SDCCAG8: variants seen among roughly 807,000 people sequenced by gnomAD.
SDCCAG8 encodes the protein SHH signaling and ciliogenesis regulator SDCCAG8.
SDCCAG8 carries 74 observed loss-of-function variants against 101.8 expected under a neutral mutation model. The ratio of observed to expected loss-of-function variants is 0.73; its 90% CI spans 0.60 to 0.88. SDCCAG8 has a LOEUF of 0.88. Among genes scored for constraint, SDCCAG8 ranks in the 40% least tolerant of loss-of-function variants. The pLI, the probability that SDCCAG8 is intolerant of heterozygous loss-of-function variation, is 0.00. For synonymous variants in SDCCAG8, 281 were observed against 292.9 expected, an observed-to-expected ratio of 0.96 and a Z score of 0.41; for missense variants, 787 against 822.6, an observed-to-expected ratio of 0.96 and a Z score of 0.53.
chr1:243,494,045 G>A (rs977654131), intron 17 of SDCCAG8, among the ~76,000 whole-genome samples: 15 of 152,058 alleles, frequency 9.9e-5, no homozygotes, highest in African/African-American at 2.9e-4. Context: ...TGGGGGCCTC[G>A]CCCAGCTGAC....
At chr1:243,487,173 C>T (rs1410470621) in intron 16 of SDCCAG8, among the ~76,000 whole-genome samples, 1 of 152,224 alleles carries the variant, frequency 6.6e-6, no homozygotes, top group Admixed American at 6.5e-5. Flanking sequence ...TGGCCGCCTG[C>T]CTGTGTCAGA....
chr1:243,442,613 TA>T (rs202076850), intron 16 of SDCCAG8, among the ~76,000 whole-genome samples: 117 of 145,642 alleles, frequency 8.0e-4, no homozygotes, highest in Admixed American at 1.9e-3. Context: ...AAAAGAACAT[TA>T]AAAAAAAAAA....
rs1485811267 is a variant in SDCCAG8, at chr1:243,293,238, T to A, written c.675+19T>A. ...AGAACTGGTGAGTATTTGGGTGCTTTTCTCTTATACATCTTTTTTTTCTTT... is the reference window on the plus strand; with the variant it reads ...AGAACTGGTGAGTATTTGGGTGCTTATCTCTTATACATCTTTTTTTTCTTT... On this transcript the variant is annotated intron_variant, in intron 6 of 17. Coordinates refer to ENST00000366541, the MANE Select transcript of SDCCAG8 (RefSeq NM_006642.5). 1.2e-6 allele frequency: 2 copies of A among 1,613,070 alleles called. No homozygotes were observed. The highest frequency in any genetic ancestry group is 2.7e-5 in the African/African-American group (2 of 74,888).
At chr1:243,384,096 G>A (rs2078125151) in intron 13 of SDCCAG8, among the ~76,000 whole-genome samples, 2 of 152,000 alleles carry the variant, frequency 1.3e-5, no homozygotes, top group African/African-American at 2.4e-5. Flanking sequence ...ACTCAAAGGA[G>A]GAAAAAGCAA....
At chr1:243,398,755 A>G (rs2079180041) in intron 13 of SDCCAG8, among the ~76,000 whole-genome samples, 1 of 152,240 alleles carries the variant, frequency 6.6e-6, no homozygotes, top group African/African-American at 2.4e-5. Flanking sequence ...ATCATTTGAT[A>G]GTCATATCAC....
intron 4 of SDCCAG8, among the ~76,000 whole-genome samples, chr1:243,281,276 C>CT (rs534697165): frequency 1.1e-4 from 15 of 133,442 alleles, no homozygotes; most frequent in East Asian, 8.4e-4. Context: ...TTATAATTGG[C>CT]TTTTTTTTTT....
intron 12 of SDCCAG8, among the ~76,000 whole-genome samples, chr1:243,350,369 C>A (rs960523654): frequency 9.9e-5 from 15 of 152,020 alleles, no homozygotes; most frequent in Admixed American, 3.3e-4. Flanking sequence ...CCACCACCCC[C>A]AGCTATTTTG....
At chr1:243,306,457 C>A (rs1236702322) in intron 7 of SDCCAG8, 1 of 152,130 alleles carries the variant, frequency 6.6e-6, no homozygotes, top group Non-Finnish European at 1.5e-5. Flanking sequence ...ACTTTGTTCT[C>A]TGAATCCTTC....
chr1:243,411,441 T>C (rs1268581124), intron 13 of SDCCAG8, among the ~76,000 whole-genome samples: 1 of 152,140 alleles, frequency 6.6e-6, no homozygotes, highest in Admixed American at 6.6e-5. Flanking sequence ...TTTATTGGGG[T>C]AAATTTAAAT....
intron 16 of SDCCAG8, among the ~76,000 whole-genome samples, chr1:243,466,308 G>A (rs1447034168): frequency 6.6e-6 from 1 of 152,178 alleles, no homozygotes; most frequent in Non-Finnish European, 1.5e-5. Flanking sequence ...TACTTTGAAG[G>A]AATTCAGGCC....
chr1:243,307,812 A>G (rs1377652665), intron 7 of SDCCAG8, 177 bp from the exon 8 acceptor site: 15 of 1,458,440 alleles, frequency 1.0e-5, no homozygotes, highest in Non-Finnish European at 1.3e-5. Context: ...CGTGTCAATT[A>G]GAATCACCAC....
chr1:243,475,867 A>G lies in SDCCAG8; in HGVS notation c.1986-13147A>G, dbSNP rs1253935008. 3 of 933,524 alleles carry G rather than the reference A, an allele frequency of 3.2e-6. No homozygotes were observed. In the Admixed American group the frequency reaches 1.8e-4, roughly 58 times the overall value. 57.8% of individuals were successfully genotyped at this position (933,524 alleles called of 1,614,324 possible). On this transcript the variant is annotated intron_variant, in intron 16 of 17. Transcript: ENST00000366541. ...TAGACTGGTTCTCTTGCCACTCCTCAAAAAGCAAAATTTTGCAGCCCAAAT... is the reference window on the plus strand; with the variant it reads ...TAGACTGGTTCTCTTGCCACTCCTCGAAAAGCAAAATTTTGCAGCCCAAAT...
intron 1 of SDCCAG8, chr1:243,268,023 T>C (rs1446703650): frequency 2.6e-6 from 2 of 778,094 alleles, no homozygotes; most frequent in Non-Finnish European, 4.8e-6. Context: ...TCTTTCTCTT[T>C]AGGTTTTAAT....
intron 8 of SDCCAG8, among the ~76,000 whole-genome samples, chr1:243,311,199 A>G (rs2072685827): frequency 6.6e-6 from 1 of 152,252 alleles, no homozygotes; most frequent in Non-Finnish European, 1.5e-5. Flanking sequence ...AACATGGTTT[A>G]GATAAACTAT....
In SDCCAG8 at chr1:243,341,076, C is replaced by A; in HGVS notation, c.1259C>A (p.Ala420Asp). 6.2e-7 allele frequency: 1 copy of A among 1,613,104 alleles called. No homozygotes were observed. The highest frequency in any genetic ancestry group is 8.5e-7 in the Non-Finnish European group (1 of 1,179,142). Residue 420 changes from alanine to aspartate, a missense_variant, in exon 11 of 18, where the codon GCC (alanine) becomes GAC (aspartate). By Grantham distance (126) the Ala-to-Asp change is moderately radical (BLOSUM62 -2). Coordinates refer to ENST00000366541, the MANE Select transcript of SDCCAG8 (RefSeq NM_006642.5). ...TCTCAGAATATTGCCCAACTGGAGGCCCAGGTGGAAAAGGTTACAAAGGAA... is the reference window on the plus strand; with the variant it reads ...TCTCAGAATATTGCCCAACTGGAGGACCAGGTGGAAAAGGTTACAAAGGAA... ...ILSQNIAQLEAQVEKVTKEKI... is the reference protein window; with the variant it reads ...ILSQNIAQLEDQVEKVTKEKI...
chr1:243,469,362 T>C (rs2148185403), intron 16 of SDCCAG8, among the ~76,000 whole-genome samples: 1 of 152,320 alleles, frequency 6.6e-6, no homozygotes, highest in Middle Eastern at 3.4e-3. Flanking sequence ...TTTGTACCAC[T>C]AAGCCCTTGG....
At chr1:243,382,160 C>T (rs2077998477) in intron 13 of SDCCAG8, among the ~76,000 whole-genome samples, 1 of 152,152 alleles carries the variant, frequency 6.6e-6, no homozygotes, top group African/African-American at 2.4e-5. Flanking sequence ...GCAGAAGAGC[C>T]TTATGGGCCA....
intron 1 of SDCCAG8, among the ~76,000 whole-genome samples, chr1:243,269,614 T>C (rs1366712736): frequency 6.6e-6 from 1 of 151,880 alleles, no homozygotes; most frequent in East Asian, 1.9e-4. Flanking sequence ...GGATGTCTCT[T>C]GGTGGGGGAG....
rs1424004772 is a variant in SDCCAG8, at chr1:243,458,679, A to G, written c.1986-30335A>G. On this transcript the variant is annotated intron_variant, in intron 16 of 17. Coordinates refer to ENST00000366541, the MANE Select transcript of SDCCAG8 (RefSeq NM_006642.5). This position sits in a 1 kb window ranked among gnomAD's most constrained non-coding sequence, Gnocchi z 4.5. ...GTGAACCTGGGCAGTGTGGCTGCCAATTCTGGGAAGAAGGGATGCTGATTT... is the reference window on the plus strand; with the variant it reads ...GTGAACCTGGGCAGTGTGGCTGCCAGTTCTGGGAAGAAGGGATGCTGATTT... 3.9e-5 allele frequency among the ~76,000 whole-genome samples: 6 copies of G among 152,246 alleles called. No individual in the cohort carries two copies. The highest frequency in any genetic ancestry group is 2.1e-4 in the South Asian group (1 of 4,834).
Sources: allele counts gnomAD v4.1 joint callset (sites outside exome capture counted in the v4.1 genomes callset), GRCh38; gene constraint gnomAD v4.1.1; non-coding constraint Gnocchi (gnomAD v3.1); transcripts MANE v1.5; gene names NCBI Gene and HGNC (gene_info 2026-07-23, HGNC 2026-07-21).